BTG4: variants seen among roughly 807,000 people sequenced by gnomAD.
The protein encoded by BTG4 is protein BTG4.
A neutral mutation model predicts 19.3 loss-of-function variants in BTG4; 10 were observed. That is an observed-to-expected ratio of 0.52 (90% CI 0.32 to 0.88). BTG4 has a LOEUF of 0.88. Ranked by LOEUF, BTG4 falls within the 40% of genes least tolerant of loss-of-function variation. The probability of loss-of-function intolerance (pLI) is 0.04; values close to 1 mark genes in which losing one functional copy is unlikely to be tolerated. For synonymous variants in BTG4, 91 were observed against 95.7 expected (o/e 0.95, Z 0.29); for missense variants, 238 against 281.9 (o/e 0.84, Z 1.11).
chr11:111,464,122 G>A (rs564293329), downstream of BTG4, among the ~76,000 whole-genome samples: 11 of 152,118 alleles, frequency 7.2e-5, no homozygotes, highest in East Asian at 3.9e-4. Flanking sequence ...TCAGCCTCCC[G>A]AGTAGCTGGG....
the BTG4 span, among the ~76,000 whole-genome samples, chr11:111,391,742 A>G: frequency 6.6e-6 from 1 of 152,152 alleles, no homozygotes; most frequent in Non-Finnish European, 1.5e-5. Context: ...AAGGTTTTTC[A>G]CTGAGGAGTG....
downstream of BTG4, among the ~76,000 whole-genome samples, chr11:111,466,014 C>A (rs1274378256): frequency 6.6e-6 from 1 of 152,108 alleles, no homozygotes; most frequent in Non-Finnish European, 1.5e-5. Context: ...TTAAGGGTTC[C>A]CAGCCCCACT....
chr11:111,421,914 C>A, the BTG4 span, among the ~76,000 whole-genome samples: 147,144 of 150,764 alleles, frequency 0.98, 71,896 homozygotes, highest in South Asian at 1. Flanking sequence ...CTCCATCAGA[C>A]AAAAAAAAAG....
At chr11:111,467,412 T>G, downstream of BTG4, 1 of 428,808 alleles carries the variant, frequency 2.3e-6, no homozygotes, top group East Asian at 3.8e-5. Context: ...TTTTCCTGTA[T>G]ACTAAGCCTA....
chr11:111,497,153 C>T, intron 4 of BTG4, 58 bp downstream of exon 4: 1 of 1,433,950 alleles, frequency 7.0e-7, no homozygotes. Context: ...ATAATGAGTG[C>T]ATTCTTTTTA....
the BTG4 span, chr11:111,385,556 C>A: frequency 6.6e-6 from 1 of 151,798 alleles, no homozygotes; most frequent in African/African-American, 2.4e-5. Flanking sequence ...ATATTAAGGA[C>A]TAATACATCA....
the BTG4 span, among the ~76,000 whole-genome samples, chr11:111,413,540 T>C: frequency 6.6e-6 from 1 of 152,262 alleles, no homozygotes; most frequent in Non-Finnish European, 1.5e-5. Flanking sequence ...CTTTTTGTAC[T>C]CATTTTACAG....
At chr11:111,430,325 A>G in the BTG4 span, among the ~76,000 whole-genome samples, 1 of 152,266 alleles carries the variant, frequency 6.6e-6, no homozygotes, top group Non-Finnish European at 1.5e-5. Flanking sequence ...AGAAGTAGAT[A>G]AAAGACAAAA....
chr11:111,504,500 C>G (rs917816386), intron 1 of BTG4, among the ~76,000 whole-genome samples: 10 of 152,022 alleles, frequency 6.6e-5, no homozygotes, highest in African/African-American at 2.4e-4. Context: ...CATTACTGAG[C>G]ATTCACAATG....
At chr11:111,474,505 T>A (rs543185240) in intron 5 of BTG4, among the ~76,000 whole-genome samples, 1 of 152,310 alleles carries the variant, frequency 6.6e-6, no homozygotes, top group Non-Finnish European at 1.5e-5. Context: ...GGGAGGTAGT[T>A]GTAGTTTGTT....
chr11:111,495,402 G>A lies in BTG4; in HGVS notation c.511-88C>T, dbSNP rs1865661318. 2.5e-5 allele frequency: 28 copies of A among 1,126,344 alleles called. 1 individual carries two copies. The South Asian group carries it at 4.1e-4, about 16-fold the overall frequency. The allele number at this position is 1,126,344 out of a possible 1,614,324, so 69.8% of individuals were successfully genotyped here. ...AATTCAAAAGTCAGGCACTTCAAAA[G>A]CATAGGGAGCACAAATGAATAGAAT... On this transcript the variant is annotated intron_variant, in intron 4 of 4. Coordinates refer to ENST00000692032, the MANE Select transcript of BTG4 (RefSeq NM_001367975.1).
the BTG4 span, among the ~76,000 whole-genome samples, chr11:111,437,488 C>T: frequency 3.9e-4 from 60 of 152,176 alleles, 1 homozygote; most frequent in Admixed American, 1.3e-3. Context: ...ATTCCCAAAT[C>T]ACCATGCTCC....
intron 1 of BTG4, among the ~76,000 whole-genome samples, chr11:111,511,510 A>G (rs1362393585): frequency 1.3e-5 from 2 of 152,214 alleles, no homozygotes. Context: ...CTAATTTAGA[A>G]CTAAGCCTTT....
chr11:111,413,154 A>G, the BTG4 span, among the ~76,000 whole-genome samples: 2 of 152,230 alleles, frequency 1.3e-5, no homozygotes, highest in East Asian at 3.8e-4. Flanking sequence ...CCAAACACAG[A>G]GAAGGCAAGA....
the BTG4 span, among the ~76,000 whole-genome samples, chr11:111,420,713 G>A: frequency 7.7e-4 from 117 of 152,282 alleles, no homozygotes; most frequent in African/African-American, 2.6e-3. Flanking sequence ...TGGTGACCCC[G>A]TTCATTCATG....
the BTG4 span, among the ~76,000 whole-genome samples, chr11:111,425,824 C>T: frequency 6.6e-6 from 1 of 152,116 alleles, no homozygotes. Context: ...TTGAGCTCAA[C>T]AGTTTGAGAC....
chr11:111,456,041 TC>T, the BTG4 span, among the ~76,000 whole-genome samples: 31,066 of 152,114 alleles, frequency 0.2, 3,301 homozygotes, highest in Admixed American at 0.26. The surrounding 1 kb of genome is among the most constrained non-coding windows in gnomAD (Gnocchi z 4.2). Context: ...GGGAGGGGCT[TC>T]CCATGCAATG....
In BTG4 at chr11:111,497,315, T is replaced by C. The variant is rs148361475; in HGVS notation, c.406A>G (p.Arg136Gly). 8.7e-6 allele frequency: 14 copies of C among 1,604,052 alleles called. No homozygotes were observed. The highest frequency in any genetic ancestry group is 1.2e-5 in the Non-Finnish European group (14 of 1,176,858). ...CCAGAGGAAACGTCTGATGAGGCTCTACTAACGGCATAACTGATTTGTTGA... is the reference window on the plus strand; with the variant it reads ...CCAGAGGAAACGTCTGATGAGGCTCCACTAACGGCATAACTGATTTGTTGA... ...LYQQISYAVS[R>G]ASSDVSSGTS... The change falls in exon 4 of 5, where the codon AGA (arginine) becomes GGA (glycine). Residue 136 changes from arginine (R) to glycine (G), a missense_variant. Transcript: ENST00000692032.
chr11:111,483,585 T>C (rs1214674263), intron 5 of BTG4, among the ~76,000 whole-genome samples: 2 of 152,178 alleles, frequency 1.3e-5, no homozygotes, highest in South Asian at 2.1e-4. Context: ...AAAATTCAAC[T>C]GATAAACTGA....
Sources: gnomAD v4.1 joint callset for allele counts (sites outside exome capture counted in the v4.1 genomes callset) on GRCh38, gnomAD v4.1.1 for gene constraint, Gnocchi (gnomAD v3.1) non-coding constraint, MANE v1.5 for transcripts, NCBI Gene and HGNC (gene_info 2026-07-23, HGNC 2026-07-21) for gene names.